Variants in SYT1 observed in about 807,000 individuals in gnomAD.
SYT1 encodes synaptotagmin-1.
SYT1 carries 8 observed loss-of-function variants against 44.8 expected under a neutral mutation model. That is an observed-to-expected ratio of 0.18 (90% CI 0.10 to 0.32). The LOEUF (loss-of-function observed/expected upper bound fraction) is 0.32, where lower values mean the gene tolerates loss of function less well. Among genes scored for constraint, SYT1 ranks in the 10% least tolerant of loss-of-function variants. The probability of loss-of-function intolerance (pLI) is 1.00; values close to 1 mark genes in which losing one functional copy is unlikely to be tolerated. For synonymous variants in SYT1, 154 were observed against 188.8 expected, an observed-to-expected ratio of 0.82 and a Z score of 1.51; for missense variants, 286 against 509.3, an observed-to-expected ratio of 0.56 and a Z score of 4.22.
intron 4 of SYT1, among the ~76,000 whole-genome samples, chr12:79,234,956 A>C (rs1433650988): frequency 6.6e-6 from 1 of 151,876 alleles, no homozygotes; most frequent in Non-Finnish European, 1.5e-5. Context: ...TGATCCACCC[A>C]CCTTGGCCTC....
chr12:79,010,512 G>A (rs946326375), intron 2 of SYT1, among the ~76,000 whole-genome samples: 8 of 152,110 alleles, frequency 5.3e-5, no homozygotes, highest in Admixed American at 5.2e-4. Context: ...GTGGGGAGAG[G>A]AGGTATCTAT....
intron 4 of SYT1, among the ~76,000 whole-genome samples, chr12:79,260,650 C>A (rs1460020986): frequency 1.3e-5 from 2 of 152,102 alleles, no homozygotes; most frequent in East Asian, 3.8e-4. Flanking sequence ...CCTTGCAGCT[C>A]CTAAATTTCA....
At chr12:79,358,047 T>C (rs1009021266) in intron 9 of SYT1, among the ~76,000 whole-genome samples, 14 of 152,222 alleles carry the variant, frequency 9.2e-5, no homozygotes, top group African/African-American at 3.1e-4. Flanking sequence ...ACGTTGCTAC[T>C]TGTCCCTATT....
At chr12:79,276,744 T>C (rs1293075738) in intron 4 of SYT1, among the ~76,000 whole-genome samples, 3 of 150,978 alleles carry the variant, frequency 2.0e-5, no homozygotes, top group Non-Finnish European at 4.4e-5. Context: ...ACAACGCAGT[T>C]GAAAATTTTA....
intron 3 of SYT1, among the ~76,000 whole-genome samples, chr12:79,192,997 T>C (rs1346826908): frequency 1.3e-5 from 2 of 152,126 alleles, no homozygotes; most frequent in East Asian, 3.9e-4. Flanking sequence ...GGCAGTTCCA[T>C]TCAGGTGATT....
chr12:78,910,670 T>A (rs922652302), intron 1 of SYT1, among the ~76,000 whole-genome samples: 2 of 151,956 alleles, frequency 1.3e-5, no homozygotes, highest in Non-Finnish European at 2.9e-5. Flanking sequence ...ATAGAGTAAT[T>A]AGATAATTAT....
chr12:79,003,456 G>A (rs1870873096), intron 2 of SYT1, among the ~76,000 whole-genome samples: 1 of 151,864 alleles, frequency 6.6e-6, no homozygotes, highest in East Asian at 1.9e-4. Context: ...ACCCACAGTG[G>A]CGGAGTTGTA....
chr12:78,878,680 T>A (rs6539094), intron 1 of SYT1, among the ~76,000 whole-genome samples: 6 of 151,836 alleles, frequency 4.0e-5, no homozygotes, highest in African/African-American at 1.4e-4. Context: ...TAATGATTCA[T>A]TCACATGTGA....
At chr12:79,045,058 T>C (rs1873910870) in intron 2 of SYT1, among the ~76,000 whole-genome samples, 3 of 152,032 alleles carry the variant, frequency 2.0e-5, no homozygotes, top group African/African-American at 7.2e-5. Flanking sequence ...TCTGCAGAGG[T>C]TACTGCTGTC....
chr12:79,317,113 G>A (rs1443113265), intron 8 of SYT1, among the ~76,000 whole-genome samples: 1 of 151,974 alleles, frequency 6.6e-6, no homozygotes, highest in African/African-American at 2.4e-5. Context: ...CTATTTTATG[G>A]GGGGAAAACA....
rs146690608 is a variant in SYT1 at position 79,432,774 on chromosome 12, C to A, written c.929-11299C>A. On this transcript the variant is annotated intron_variant, in intron 9 of 10. Coordinates refer to ENST00000261205, the MANE Select transcript of SYT1 (RefSeq NM_005639.3). ...GATTACAGGCGTGTACAACCACACCCGGCTAATTTTTGTATTCTTAGTAGA... is the reference window on the plus strand; with the variant it reads ...GATTACAGGCGTGTACAACCACACCAGGCTAATTTTTGTATTCTTAGTAGA... Among the ~76,000 whole-genome samples, 1,081 of 152,118 alleles carry A rather than the reference C, an allele frequency of 7.1e-3. 7 individuals carry two copies. Among genetic ancestry groups the A allele is most frequent in the Middle Eastern group, 0.02 (6 of 294 alleles).
At chr12:79,029,808 T>C (rs1872732180) in intron 2 of SYT1, among the ~76,000 whole-genome samples, 1 of 150,698 alleles carries the variant, frequency 6.6e-6, no homozygotes, top group African/African-American at 2.4e-5. Flanking sequence ...TTTTCTTCTT[T>C]ACTCAAATGT....
rs1057500672 is a variant in SYT1 at position 79,428,484 on chromosome 12, A to G, written c.929-15589A>G. Reference sequence around the variant, plus strand: ...CCCCAAGCATGCACCATCTGAAGACAGATGCATACCCCATGTCTGAGGGGT... The same window carrying G: ...CCCCAAGCATGCACCATCTGAAGACGGATGCATACCCCATGTCTGAGGGGT... On this transcript the variant is annotated intron_variant, in intron 9 of 10. Coordinates refer to ENST00000261205, the MANE Select transcript of SYT1 (RefSeq NM_005639.3). Among the ~76,000 whole-genome samples, 41 of 152,218 alleles carry G rather than the reference A, an allele frequency of 2.7e-4. 1 individual carries two copies. The highest frequency in any genetic ancestry group is 5.9e-5 in the Non-Finnish European group (4 of 68,048).
chr12:78,962,840 G>A (rs7133727), intron 1 of SYT1, among the ~76,000 whole-genome samples: 22,093 of 151,942 alleles, frequency 0.15, 1,941 homozygotes, highest in East Asian at 0.3. Context: ...TTGCCCACCC[G>A]GCTTAACAAT....
intron 3 of SYT1, among the ~76,000 whole-genome samples, chr12:79,138,127 C>T (rs2138203151): frequency 6.6e-6 from 1 of 152,250 alleles, no homozygotes; most frequent in Non-Finnish European, 1.5e-5. Context: ...TTCTCAAGTA[C>T]TGATTGATAG....
At chr12:79,076,794 C>A (rs1310925677) in intron 3 of SYT1, among the ~76,000 whole-genome samples, 1 of 152,152 alleles carries the variant, frequency 6.6e-6, no homozygotes, top group Non-Finnish European at 1.5e-5. Context: ...CGTGGTGAAA[C>A]CCCCTGTCTA....
At chr12:79,323,019 C>T (rs900699346) in intron 8 of SYT1, among the ~76,000 whole-genome samples, 13 of 152,072 alleles carry the variant, frequency 8.5e-5, no homozygotes, top group African/African-American at 3.1e-4. Flanking sequence ...TGGGATCTAA[C>T]AGCCCTGTAA....
intron 3 of SYT1, among the ~76,000 whole-genome samples, chr12:79,163,330 G>T (rs1160693398): frequency 6.6e-6 from 1 of 152,002 alleles, no homozygotes; most frequent in Non-Finnish European, 1.5e-5. Flanking sequence ...CTGTTTAAAA[G>T]AACTAACCCA....
intron 3 of SYT1, among the ~76,000 whole-genome samples, chr12:79,086,494 T>G (rs1877391989): frequency 6.6e-6 from 1 of 152,206 alleles, no homozygotes; most frequent in African/African-American, 2.4e-5. Flanking sequence ...AGAAACTTTC[T>G]TTCATCCCCA....
Sources: allele counts gnomAD v4.1 joint callset (sites outside exome capture counted in the v4.1 genomes callset), GRCh38; gene constraint gnomAD v4.1.1; transcripts MANE v1.5; gene names NCBI Gene and HGNC (gene_info 2026-07-23, HGNC 2026-07-21).